The following GNPTAB variants were observed in gnomAD, a reference collection of about 807,000 sequenced individuals.
GNPTAB encodes the protein N-acetylglucosamine-1-phosphate transferase subunits alpha and beta, also known as N-acetylglucosamine-1-phosphotransferase subunits alpha/beta.
A neutral mutation model predicts 136.6 loss-of-function variants in GNPTAB; 92 were observed. That is an observed-to-expected ratio of 0.67 (90% CI 0.57 to 0.80). The LOEUF (loss-of-function observed/expected upper bound fraction) is 0.80. GNPTAB is among the 30% of genes least tolerant of loss of function. The probability of loss-of-function intolerance (pLI) is 0.00; values close to 1 mark genes in which losing one functional copy is unlikely to be tolerated. For synonymous variants in GNPTAB, 512 were observed against 535.1 expected, an observed-to-expected ratio of 0.96 and a Z score of 0.60; for missense variants, 1,343 against 1,501.8, an observed-to-expected ratio of 0.89 and a Z score of 1.75.
intron 1 of GNPTAB, among the ~76,000 whole-genome samples, chr12:101,817,728 G>A (rs1870577787): frequency 6.6e-6 from 1 of 152,152 alleles, no homozygotes; most frequent in Admixed American, 6.5e-5. Flanking sequence ...GGGAGGCTGA[G>A]GTGGGAGGAT....
At chr12:101,770,634 T>C in intron 8 of GNPTAB, 49 bp from the exon 9 acceptor site, 1 of 1,277,248 alleles carries the variant, frequency 7.8e-7, no homozygotes, top group South Asian at 1.2e-5. Context: ...CCTTAAGTCA[T>C]ACCTCCTCCT....
At position 101,768,054 on chromosome 12, in the gene GNPTAB, T is replaced by A; in HGVS notation, c.1391A>T (p.Asp464Val). 1 of 1,614,042 alleles carries A rather than the reference T, an allele frequency of 6.2e-7. No individual in the cohort carries two copies. Among genetic ancestry groups the A allele is most frequent in the Admixed American group, 1.7e-5 (1 of 60,024 alleles). ...ATCCTTACCAGAGCAATCCCCACCATCCCAATCGCAGGCTGAATTATTACA... is the reference window on the plus strand; with the variant it reads ...ATCCTTACCAGAGCAATCCCCACCAACCCAATCGCAGGCTGAATTATTACA... ...KACNNSACDW[D>V]GGDCSGNSGG... is the part of the protein sequence containing the mutation. The change falls in exon 11 of 21, where the codon GAT (aspartate) becomes GTT (valine). Residue 464 changes from aspartate (D) to valine (V), a missense_variant. Coordinates refer to ENST00000299314, the MANE Select transcript of GNPTAB (RefSeq NM_024312.5).
rs1204271247 is a variant in GNPTAB at position 101,746,688 on chromosome 12, TATACTC to T, written c.*470_*475del. ...AATAGGTTTAGACATCCCAATTCGT[TATACTC>T]AGAAGCAAGAATAACTAGTTAACTT... On this transcript the variant is annotated 3_prime_UTR_variant, in exon 21 of 21. Coordinates refer to ENST00000299314, the MANE Select transcript of GNPTAB (RefSeq NM_024312.5). 1 of 161,302 alleles carries T rather than the reference TATACTC, an allele frequency of 6.2e-6. No homozygotes were observed. The highest frequency in any genetic ancestry group is 2.4e-5 in the African/African-American group (1 of 41,468). The allele number at this position is 161,302 out of a possible 1,614,324, so 10.0% of individuals were successfully genotyped here.
At chr12:101,821,314 T>A (rs2137186298) in intron 1 of GNPTAB, among the ~76,000 whole-genome samples, 1 of 152,310 alleles carries the variant, frequency 6.6e-6, no homozygotes, top group South Asian at 2.1e-4. Flanking sequence ...AGTCACTGAA[T>A]GAATGAGGCA....
At chr12:101,753,828 G>A (rs1952858608) in intron 18 of GNPTAB, among the ~76,000 whole-genome samples, 1 of 152,168 alleles carries the variant, frequency 6.6e-6, no homozygotes, top group South Asian at 2.1e-4. Flanking sequence ...GTAGTTAACT[G>A]ACTAGAATAT....
At chr12:101,796,224 C>T in intron 2 of GNPTAB, 1 of 702,396 alleles carries the variant, frequency 1.4e-6, no homozygotes, top group Non-Finnish European at 2.6e-6. Context: ...CTGGTTTCCT[C>T]ATCCTACAGG....
intron 5 of GNPTAB, chr12:101,785,793 C>A (rs1479988836): frequency 1.9e-6 from 1 of 534,272 alleles, no homozygotes; most frequent in Admixed American, 3.2e-5. Context: ...CTCATCACAG[C>A]ACAGAAAGGT....
chr12:101,804,968 G>A (rs1326907630), intron 1 of GNPTAB, among the ~76,000 whole-genome samples: 1 of 152,186 alleles, frequency 6.6e-6, no homozygotes, highest in African/African-American at 2.4e-5. Context: ...ACTATAGGAT[G>A]TATAAGGTAT....
intron 4 of GNPTAB, 23 bp from the exon 5 acceptor site, chr12:101,786,240 T>G: frequency 6.4e-7 from 1 of 1,569,660 alleles, no homozygotes. Flanking sequence ...ACCAACATGC[T>G]TACAATTACA....
In GNPTAB at chr12:101,789,859, A is replaced by C. The variant is rs537923593; in HGVS notation, c.323+79T>G. On this transcript the variant is annotated intron_variant, in intron 3 of 20. Transcript: ENST00000299314. ...GCATGATGACTGGGTTTTCATGCTC[A>C]TATGTGAGATGTGCCACCCTCAGAC... The C allele has an allele frequency of 1.6e-5, 21 of 1,310,512 alleles. No homozygotes were observed. In the African/African-American group the frequency reaches 2.3e-4, roughly 14 times the overall value. 81.2% of individuals were successfully genotyped at this position (1,310,512 alleles called of 1,614,324 possible).
chr12:101,768,160 C>T lies in GNPTAB; in HGVS notation c.1285G>A (p.Val429Ile). Residue 429 changes from valine to isoleucine, a missense_variant and splice_region_variant, in exon 11 of 21, where the codon GTT becomes ATT. Coordinates refer to ENST00000299314, the MANE Select transcript of GNPTAB (RefSeq NM_024312.5). ...DFYSHSKGQKVYLTWPVPNCA... is the reference protein window; with the variant it reads ...DFYSHSKGQKIYLTWPVPNCA... Reference sequence around the variant, plus strand: ...TTTGGCACAGGCCATGTCAAATAAACCTACGATAAAACCAAAGAGAAAATA... The same window carrying T: ...TTTGGCACAGGCCATGTCAAATAAATCTACGATAAAACCAAAGAGAAAATA... 7 of 1,614,094 alleles carry T rather than the reference C, an allele frequency of 4.3e-6. No homozygotes were observed. Among genetic ancestry groups the T allele is most frequent in the Non-Finnish European group, 5.9e-6 (7 of 1,179,968 alleles).
chr12:101,823,349 T>G (rs887228104), intron 1 of GNPTAB, among the ~76,000 whole-genome samples: 10 of 152,072 alleles, frequency 6.6e-5, no homozygotes, highest in African/African-American at 2.4e-4. Context: ...GTGGCTTATG[T>G]CTGTAATCCC....
intron 14 of GNPTAB, 50 bp from the exon 15 acceptor site, chr12:101,761,396 G>C: frequency 6.5e-7 from 1 of 1,546,364 alleles, no homozygotes; most frequent in African/African-American, 1.4e-5. Context: ...AGTATGTACC[G>C]TATCTAACAT....
chr12:101,792,146 G>A lies in GNPTAB; in HGVS notation c.204-2089C>T, dbSNP rs112539781. 1.9e-3 allele frequency among the ~76,000 whole-genome samples: 290 copies of A among 152,288 alleles called. 6 individuals carry two copies. Among genetic ancestry groups the A allele is most frequent in the African/African-American group, 6.7e-3 (280 of 41,556 alleles). The stretch of plus-strand genomic sequence containing the variant: ...TCAGAGATGGCCTCAGTAAGAAGGT[G>A]ACATTTCAGCAAAGATATGAAGGAA... On this transcript the variant is annotated intron_variant, in intron 2 of 20. Coordinates refer to ENST00000299314, the MANE Select transcript of GNPTAB (RefSeq NM_024312.5).
intron 5 of GNPTAB, among the ~76,000 whole-genome samples, chr12:101,781,063 G>C (rs762013031): frequency 3.3e-5 from 5 of 152,154 alleles, no homozygotes; most frequent in Admixed American, 2.0e-4. Context: ...TAACAGCAGG[G>C]GGCTACTATG....
chr12:101,757,900 A>G (rs1240555269), intron 16 of GNPTAB, among the ~76,000 whole-genome samples: 1 of 152,172 alleles, frequency 6.6e-6, no homozygotes, highest in Non-Finnish European at 1.5e-5. Flanking sequence ...ACTTTATCCT[A>G]TTGGATCATG....
rs571466805 is a variant in GNPTAB at position 101,793,798 on chromosome 12, A to C, written c.203+2879T>G. On this transcript the variant is annotated intron_variant, in intron 2 of 20. Transcript: ENST00000299314. Reference sequence around the variant, plus strand: ...TCTACATTCTATAAAGTAGGTGAGAAAACAGAGAACTTAAATAGTATTTTG... The same window carrying C: ...TCTACATTCTATAAAGTAGGTGAGACAACAGAGAACTTAAATAGTATTTTG... Among the ~76,000 whole-genome samples, 7 of 152,322 alleles carry C rather than the reference A, an allele frequency of 4.6e-5. No individual in the cohort carries two copies. The East Asian group carries it at 1.3e-3, about 29-fold the overall frequency.
At position 101,750,840 on chromosome 12, in the gene GNPTAB, C is replaced by G. The variant is rs79023094; in HGVS notation, c.3603-1649G>C. On this transcript the variant is annotated intron_variant, in intron 19 of 20. Transcript: ENST00000299314. ...TACCGAGGAGTTCTAGTGCCAGGGT[C>G]TGCCAATTTCCCTTTTAAAGTGTCT... 6.1e-3 allele frequency among the ~76,000 whole-genome samples: 929 copies of G among 152,314 alleles called. 37 individuals carry two copies. In the East Asian group the frequency reaches 0.13, roughly 21 times the overall value.
At position 101,761,549 on chromosome 12, in the gene GNPTAB, A is replaced by G. The variant is rs201970402; in HGVS notation, c.2915+15T>C. On this transcript the variant is annotated intron_variant, in intron 14 of 20. Transcript: ENST00000299314. ...CTGAACACAAGCAAACAACTCAAAC[A>G]CGAGCAAGACTTACATATCTTGCAG... The G allele has an allele frequency of 9.1e-5, 146 of 1,611,404 alleles. No homozygotes were observed. Among genetic ancestry groups the G allele is most frequent in the Middle Eastern group, 3.3e-4 (2 of 6,080 alleles).
Sources: allele counts gnomAD v4.1 joint callset (sites outside exome capture counted in the v4.1 genomes callset), GRCh38; gene constraint gnomAD v4.1.1; transcripts MANE v1.5; gene names NCBI Gene and HGNC (gene_info 2026-07-23, HGNC 2026-07-21).